Variants in EMCN observed in about 807,000 individuals in gnomAD.
The protein encoded by EMCN is MUC-14.
EMCN carries 37 observed loss-of-function variants against 38.4 expected under a neutral mutation model. The ratio of observed to expected loss-of-function variants is 0.96; its 90% CI spans 0.74 to 1.27. The LOEUF (loss-of-function observed/expected upper bound fraction) is 1.27. Among genes scored for constraint, EMCN ranks in the 50% most tolerant of loss-of-function variants. The probability of loss-of-function intolerance (pLI) is 0.00; values close to 1 mark genes in which losing one functional copy is unlikely to be tolerated. For synonymous variants in EMCN, 95 were observed against 100.8 expected (o/e 0.94, Z 0.35); for missense variants, 318 against 302.8 (o/e 1.05, Z -0.37).
At chr4:100,423,223 GCT>G in intron 6 of EMCN, 87 bp downstream of exon 6, 4 of 1,324,354 alleles carry the variant, frequency 3.0e-6, no homozygotes, top group Non-Finnish European at 4.4e-6. Flanking sequence ...TTCTGAAGGA[GCT>G]CTGTTTTGTG....
intron 11 of EMCN, among the ~76,000 whole-genome samples, chr4:100,403,378 T>C (rs1264521026): frequency 6.6e-6 from 1 of 152,118 alleles, no homozygotes; most frequent in Non-Finnish European, 1.5e-5. Context: ...ACAATCTGGC[T>C]CTCTTATATG....
At chr4:100,490,174 T>TAAAAAAA (rs35563606) in intron 1 of EMCN, among the ~76,000 whole-genome samples, 1 of 120,372 alleles carries the variant, frequency 8.3e-6, no homozygotes, top group East Asian at 2.1e-4. Flanking sequence ...CTTGAAAAAG[T>TAAAAAAA]AAAAAAAAAA....
chr4:100,444,632 G>A (rs1339757312), intron 5 of EMCN, among the ~76,000 whole-genome samples: 2 of 152,118 alleles, frequency 1.3e-5, no homozygotes, highest in East Asian at 1.9e-4. Context: ...GCCCTAGAGG[G>A]TAGGAAGTAG....
intron 5 of EMCN, among the ~76,000 whole-genome samples, chr4:100,427,526 A>T (rs1212992864): frequency 6.7e-6 from 1 of 148,180 alleles, no homozygotes; most frequent in Non-Finnish European, 1.5e-5. Flanking sequence ...ACCTCAAGTG[A>T]TCTTCCCACC....
At chr4:100,461,303 C>G (rs1030396654) in intron 4 of EMCN, among the ~76,000 whole-genome samples, 12 of 152,106 alleles carry the variant, frequency 7.9e-5, no homozygotes, top group African/African-American at 2.9e-4. Flanking sequence ...TTGGCACTAC[C>G]ATCACCACTT....
chr4:100,455,888 T>C (rs921671757), intron 4 of EMCN, among the ~76,000 whole-genome samples: 6 of 152,002 alleles, frequency 3.9e-5, no homozygotes, highest in Non-Finnish European at 8.8e-5. Context: ...TCGATCTCCC[T>C]GGCTCAATCA....
intron 3 of EMCN, among the ~76,000 whole-genome samples, chr4:100,469,039 T>C (rs1339060796): frequency 6.6e-6 from 1 of 151,980 alleles, no homozygotes; most frequent in African/African-American, 2.4e-5. Context: ...AACAGACACA[T>C]AGACCAGTGG....
At chr4:100,473,943 A>C (rs563116353) in intron 3 of EMCN, 10 of 153,128 alleles carry the variant, frequency 6.5e-5, no homozygotes, top group Admixed American at 1.3e-4. Context: ...TTGGAGTGAG[A>C]AAAAGCTCCA....
intron 1 of EMCN, among the ~76,000 whole-genome samples, chr4:100,499,645 T>C (rs1000509915): frequency 6.6e-6 from 1 of 152,212 alleles, no homozygotes; most frequent in African/African-American, 2.4e-5. Context: ...GAAGACAGCC[T>C]CGTGACAAAC....
intron 3 of EMCN, among the ~76,000 whole-genome samples, chr4:100,473,021 ATT>A (rs34138082): frequency 2.4e-5 from 3 of 124,316 alleles, no homozygotes; most frequent in African/African-American, 8.4e-5. Flanking sequence ...ATATATATAT[ATT>A]TTTTTTTTTT....
rs191077354 is a variant in EMCN, at chr4:100,415,228, T to C, written c.751+670A>G. Among the ~76,000 whole-genome samples the C allele has an allele frequency of 2.3e-3, 357 of 152,350 alleles. 3 individuals are homozygous for C. The highest frequency in any genetic ancestry group is 9.7e-3 in the South Asian group (47 of 4,830). ...TTTTATAAAACTAATAATTTGTTTT[T>C]AATTGATCTGTTTCGTGATATCAAT... On this transcript the variant is annotated intron_variant, in intron 10 of 11. Coordinates refer to ENST00000296420, the MANE Select transcript of EMCN (RefSeq NM_016242.4).
intron 5 of EMCN, among the ~76,000 whole-genome samples, chr4:100,428,880 G>T (rs1727124073): frequency 1.3e-5 from 2 of 152,116 alleles, no homozygotes; most frequent in African/African-American, 4.8e-5. Context: ...TAGGGAAGGT[G>T]AGAAGCATAT....
intron 4 of EMCN, among the ~76,000 whole-genome samples, chr4:100,452,636 T>C (rs1578203372): frequency 6.6e-6 from 1 of 152,154 alleles, no homozygotes; most frequent in Non-Finnish European, 1.5e-5. Context: ...AATCTGGTTA[T>C]AGATACCAGA....
intron 4 of EMCN, among the ~76,000 whole-genome samples, chr4:100,448,353 CT>C (rs1489715026): frequency 6.6e-6 from 1 of 152,120 alleles, no homozygotes; most frequent in African/African-American, 2.4e-5. Flanking sequence ...TGTATATTCA[CT>C]TGACTCTCTA....
chr4:100,427,334 C>T (rs994778977), intron 5 of EMCN, among the ~76,000 whole-genome samples: 3 of 151,992 alleles, frequency 2.0e-5, no homozygotes, highest in Non-Finnish European at 4.4e-5. Context: ...TGCAGTGGGG[C>T]AGTCACAGTT....
intron 1 of EMCN, among the ~76,000 whole-genome samples, chr4:100,500,707 A>T (rs1170187273): frequency 6.6e-6 from 1 of 152,100 alleles, no homozygotes; most frequent in African/African-American, 2.4e-5. Context: ...CATTTTATTG[A>T]TTATAGCTAT....
At chr4:100,447,119 A>G (rs1171577128) in intron 5 of EMCN, among the ~76,000 whole-genome samples, 1 of 152,186 alleles carries the variant, frequency 6.6e-6, no homozygotes, top group Non-Finnish European at 1.5e-5. Context: ...GAATGATAGC[A>G]TTTTAAATTG....
At chr4:100,455,780 C>T (rs1020203230) in intron 4 of EMCN, among the ~76,000 whole-genome samples, 16 of 151,686 alleles carry the variant, frequency 1.1e-4, no homozygotes, top group South Asian at 8.3e-4. Flanking sequence ...ATTATCTTCC[C>T]TTTTGTTCGT....
chr4:100,468,692 A>C (rs1159458100), intron 3 of EMCN, among the ~76,000 whole-genome samples: 2 of 152,120 alleles, frequency 1.3e-5, no homozygotes, highest in Non-Finnish European at 2.9e-5. Context: ...AATCAAGGAA[A>C]TGAAAGAGCT....
Sources: allele counts gnomAD v4.1 joint callset (sites outside exome capture counted in the v4.1 genomes callset), GRCh38; gene constraint gnomAD v4.1.1; transcripts MANE v1.5; gene names NCBI Gene and HGNC (gene_info 2026-07-23, HGNC 2026-07-21).